Variants in FLI1 observed in about 807,000 individuals in gnomAD.
FLI1 encodes Friend leukemia integration 1 transcription factor.
In FLI1, 13 loss-of-function variants were observed where a neutral mutation model predicts 53.1. That is an observed-to-expected ratio of 0.24 (90% CI 0.16 to 0.39). The LOEUF (loss-of-function observed/expected upper bound fraction) is 0.39. Ranked by LOEUF, FLI1 falls within the 10% of genes least tolerant of loss-of-function variation. FLI1 has a pLI of 1.00. For missense variants in FLI1, 424 were observed against 600.5 expected (o/e 0.71, Z 3.07); for synonymous variants, 244 against 236.7 (o/e 1.03, Z -0.28).
rs1942899060 is a variant in FLI1, at chr11:128,810,045, G to C, written c.830-414G>C. On this transcript the variant is annotated intron_variant, in intron 8 of 8. Transcript: ENST00000527786. This position sits in a 1 kb window ranked among gnomAD's most constrained non-coding sequence, Gnocchi z 6.6. ...GCCTTGCCCCTGACTTTTTATTGCT[G>C]ACAGGGAATTCCCTGGGGGACATGA... 6.6e-6 allele frequency among the ~76,000 whole-genome samples: 1 copy of C among 152,042 alleles called. No individual in the cohort carries two copies. Among genetic ancestry groups the C allele is most frequent in the South Asian group, 2.1e-4 (1 of 4,824 alleles).
chr11:128,779,679 C>A (rs1012661441), intron 4 of FLI1, among the ~76,000 whole-genome samples: 2 of 152,172 alleles, frequency 1.3e-5, no homozygotes, highest in Admixed American at 6.5e-5. Context: ...AGATGAGAAA[C>A]TGCTGGCTCA....
chr11:128,789,806 G>A (rs965371361), intron 5 of FLI1, among the ~76,000 whole-genome samples: 1 of 152,132 alleles, frequency 6.6e-6, no homozygotes, highest in African/African-American at 2.4e-5. Flanking sequence ...GTACCCAAAG[G>A]AAAAGGCCTG....
At chr11:128,731,662 G>A (rs551287055) in intron 1 of FLI1, among the ~76,000 whole-genome samples, 8 of 152,136 alleles carry the variant, frequency 5.3e-5, no homozygotes, top group Non-Finnish European at 8.8e-5. Context: ...TGCTAGAAAC[G>A]GTCATCGTGA....
intron 1 of FLI1, among the ~76,000 whole-genome samples, chr11:128,733,483 G>C (rs1405439325): frequency 2.6e-5 from 4 of 152,148 alleles, no homozygotes; most frequent in African/African-American, 7.2e-5. Context: ...TCACTCTTTA[G>C]AACCTGGCTG....
chr11:128,751,336 C>T (rs1301058224), intron 1 of FLI1, among the ~76,000 whole-genome samples: 2 of 151,316 alleles, frequency 1.3e-5, no homozygotes, highest in Admixed American at 6.6e-5. Flanking sequence ...TCAGCATTGG[C>T]CTTCATTAAA....
chr11:128,723,847 A>G (rs1165157522), intron 1 of FLI1, among the ~76,000 whole-genome samples: 1 of 151,632 alleles, frequency 6.6e-6, no homozygotes, highest in Non-Finnish European at 1.5e-5. Flanking sequence ...CATCACAAAA[A>G]CCCAACCACA....
intron 1 of FLI1, among the ~76,000 whole-genome samples, chr11:128,740,388 A>T (rs1026897864): frequency 1.3e-5 from 2 of 152,194 alleles, no homozygotes; most frequent in African/African-American, 4.8e-5. Context: ...GACCCATGAG[A>T]GTCCTGTAAT....
At chr11:128,739,464 A>G (rs1050996665) in intron 1 of FLI1, among the ~76,000 whole-genome samples, 7 of 151,908 alleles carry the variant, frequency 4.6e-5, no homozygotes, top group African/African-American at 1.7e-4. Context: ...TAATCTGCCA[A>G]ACAAGCCCGT....
intron 4 of FLI1, among the ~76,000 whole-genome samples, chr11:128,777,268 G>A (rs1444311168): frequency 6.6e-6 from 1 of 152,138 alleles, no homozygotes; most frequent in African/African-American, 2.4e-5. Context: ...GAGGTGGGGA[G>A]GCAGAAAGAA....
chr11:128,708,798 T>C (rs1368139931), intron 1 of FLI1, among the ~76,000 whole-genome samples: 1 of 152,216 alleles, frequency 6.6e-6, no homozygotes, highest in African/African-American at 2.4e-5. Context: ...CGAGCCTTAT[T>C]TGGACTTTTT....
chr11:128,810,958 C>T lies in FLI1; in HGVS notation c.1329C>T (p.His443=), dbSNP rs373018480. 4 of 1,614,050 alleles carry T rather than the reference C, an allele frequency of 2.5e-6. No individual in the cohort carries two copies. The highest frequency in any genetic ancestry group is 4.5e-5 in the East Asian group (2 of 44,872). The change falls in exon 9 of 9, where the codon CAC becomes CAT. Residue 443 remains histidine, a synonymous_variant. Coordinates refer to ENST00000527786, the MANE Select transcript of FLI1 (RefSeq NM_002017.5). The surrounding 1 kb of genome is among the most constrained non-coding windows in gnomAD (Gnocchi z 6.6). ...NPNVPRHPNT[H]VPSHLGSYY is the part of the protein sequence containing the mutation. Reference sequence around the variant, plus strand: ...ACGTCCCCCGCCATCCTAACACCCACGTGCCTTCACACTTAGGCAGCTACT... The same window carrying T: ...ACGTCCCCCGCCATCCTAACACCCATGTGCCTTCACACTTAGGCAGCTACT...
chr11:128,729,905 A>C (rs940200157), intron 1 of FLI1, among the ~76,000 whole-genome samples: 1 of 152,236 alleles, frequency 6.6e-6, no homozygotes, highest in East Asian at 1.9e-4. Flanking sequence ...TTTTCAGAAC[A>C]GAAGAACTGC....
At chr11:128,802,203 G>T (rs893952112) in intron 5 of FLI1, among the ~76,000 whole-genome samples, 6 of 152,158 alleles carry the variant, frequency 3.9e-5, no homozygotes, top group African/African-American at 1.4e-4. Context: ...TTTAGTTCTT[G>T]GCCTTCTGCA....
At chr11:128,717,468 G>T (rs1011979608) in intron 1 of FLI1, among the ~76,000 whole-genome samples, 20 of 152,160 alleles carry the variant, frequency 1.3e-4, no homozygotes, top group Admixed American at 1.2e-3. Flanking sequence ...TGGAGCCCAG[G>T]GATGCTGTTT....
At chr11:128,686,775 C>T (rs572679461) in intron 1 of FLI1, 6 of 283,502 alleles carry the variant, frequency 2.1e-5, no homozygotes, top group African/African-American at 1.3e-4. Flanking sequence ...GGTCCCTTTT[C>T]CCTTTCCCCG....
chr11:128,734,340 T>C (rs1012452644), intron 1 of FLI1, among the ~76,000 whole-genome samples: 1 of 152,166 alleles, frequency 6.6e-6, no homozygotes, highest in Admixed American at 6.5e-5. Flanking sequence ...TCGAGCTGAG[T>C]ACTCAGATGG....
chr11:128,702,259 T>C (rs1220662624), intron 1 of FLI1, among the ~76,000 whole-genome samples: 1 of 152,242 alleles, frequency 6.6e-6, no homozygotes. Context: ...TGAACAAGAA[T>C]AAGGTTTCTA....
At position 128,812,061 on chromosome 11, in the gene FLI1, GA is replaced by G; in HGVS notation, c.*1077del. On this transcript the variant is annotated 3_prime_UTR_variant, in exon 9 of 9. Coordinates refer to ENST00000527786, the MANE Select transcript of FLI1 (RefSeq NM_002017.5). ...TAAAAAGCATAATATGCCTATAGCTGAAAAGGAAACAGGGCTGTTTAAGTCA... is the reference window on the plus strand; with the variant it reads ...TAAAAAGCATAATATGCCTATAGCTGAAAGGAAACAGGGCTGTTTAAGTCA... The G allele has an allele frequency of 4.8e-6, 1 of 206,390 alleles. No individual in the cohort carries two copies. The allele number at this position is 206,390 out of a possible 1,614,324, so 12.8% of individuals were successfully genotyped here.
intron 5 of FLI1, among the ~76,000 whole-genome samples, chr11:128,783,742 G>A (rs1941996040): frequency 6.6e-6 from 1 of 152,240 alleles, no homozygotes; most frequent in Non-Finnish European, 1.5e-5. Context: ...CTGTCAGCAA[G>A]AGGCCAGCCC....
Sources: allele counts gnomAD v4.1 joint callset (sites outside exome capture counted in the v4.1 genomes callset), GRCh38; gene constraint gnomAD v4.1.1; non-coding constraint Gnocchi (gnomAD v3.1); transcripts MANE v1.5; gene names NCBI Gene and HGNC (gene_info 2026-07-23, HGNC 2026-07-21).